Variants in AGBL1 observed in about 807,000 individuals in gnomAD.
The protein encoded by AGBL1 is AGBL carboxypeptidase 1, also known as cytosolic carboxypeptidase 4.
In AGBL1, 130 loss-of-function variants were observed where a neutral mutation model predicts 118.9. The observed-to-expected ratio is 1.09, with a 90% CI of 0.95 to 1.26. The LOEUF (loss-of-function observed/expected upper bound fraction) is 1.26, where lower values mean the gene tolerates loss of function less well. Ranked by LOEUF, AGBL1 falls within the 50% of genes most tolerant of loss-of-function variation. The pLI is 0.00. For synonymous variants in AGBL1, 555 were observed against 478.9 expected (o/e 1.16, Z -2.08); for missense variants, 1,584 against 1,298.1 (o/e 1.22, Z -3.38).
At chr15:86,853,762 C>G (rs927797991) in intron 22 of AGBL1, among the ~76,000 whole-genome samples, 12 of 152,284 alleles carry the variant, frequency 7.9e-5, no homozygotes, top group African/African-American at 2.9e-4. Flanking sequence ...ATCGCTTGTG[C>G]CCATTTGACT....
At chr15:86,921,933 G>T (rs879873232) in intron 23 of AGBL1, among the ~76,000 whole-genome samples, 1 of 152,128 alleles carries the variant, frequency 6.6e-6, no homozygotes, top group Non-Finnish European at 1.5e-5. Flanking sequence ...TCATGAAACA[G>T]ATATCCCACC....
intron 6 of AGBL1, among the ~76,000 whole-genome samples, chr15:86,226,600 G>C (rs774534631): frequency 2.0e-4 from 31 of 152,262 alleles, no homozygotes; most frequent in South Asian, 6.2e-4. Context: ...TATTGATCAG[G>C]AACACAATGC....
In AGBL1 at chr15:86,109,426, A is replaced by G. The variant is rs983070868; in HGVS notation, c.51+29403A>G. ...AAAATTGACTTCCTGGCATTGCTTT[A>G]TAATCCTTTTTTCTCATATCTTTTC... On this transcript the variant is annotated intron_variant, in intron 1 of 22. Transcript: ENST00000614907. Among the ~76,000 whole-genome samples the G allele has an allele frequency of 2.6e-5, 4 of 152,230 alleles. No homozygotes were observed. The South Asian group carries it at 8.3e-4, about 31-fold the overall frequency.
intron 17 of AGBL1, among the ~76,000 whole-genome samples, chr15:86,320,282 A>C (rs1296420118): frequency 1.3e-5 from 2 of 152,078 alleles, no homozygotes; most frequent in African/African-American, 4.8e-5. Flanking sequence ...AAGATTCTAC[A>C]ATTGGTTTCA....
intron 22 of AGBL1, among the ~76,000 whole-genome samples, chr15:86,835,863 A>G (rs1341179406): frequency 6.6e-6 from 1 of 152,100 alleles, no homozygotes; most frequent in East Asian, 1.9e-4. Flanking sequence ...TATGTGTATG[A>G]TCCATGTATG....
At chr15:86,931,906 C>A (rs2080611017) in intron 23 of AGBL1, among the ~76,000 whole-genome samples, 1 of 152,092 alleles carries the variant, frequency 6.6e-6, no homozygotes, top group East Asian at 1.9e-4. Flanking sequence ...GGAAGACATG[C>A]AAGCAGTAAA....
intron 17 of AGBL1, among the ~76,000 whole-genome samples, chr15:86,300,227 C>T (rs1428922845): frequency 6.6e-6 from 1 of 152,114 alleles, no homozygotes; most frequent in Non-Finnish European, 1.5e-5. Flanking sequence ...TTAACTTCTC[C>T]ATTTTTTTCT....
At chr15:86,365,140 T>A (rs2141930524) in intron 17 of AGBL1, among the ~76,000 whole-genome samples, 1 of 151,956 alleles carries the variant, frequency 6.6e-6, no homozygotes, top group South Asian at 2.1e-4. Context: ...AAGAAAAGTC[T>A]ATTTCCACAA....
intron 23 of AGBL1, among the ~76,000 whole-genome samples, chr15:86,952,727 T>G (rs2080892449): frequency 6.6e-6 from 1 of 152,188 alleles, no homozygotes; most frequent in Non-Finnish European, 1.5e-5. Context: ...TGCAATTGCT[T>G]TTGGGGACTC....
intron 22 of AGBL1, among the ~76,000 whole-genome samples, chr15:86,786,160 G>A (rs574179544): frequency 5.3e-5 from 8 of 152,114 alleles, no homozygotes; most frequent in Middle Eastern, 3.4e-3. Flanking sequence ...CAGTGTGCAG[G>A]TTAGTTAGAT....
chr15:86,600,599 T>A (rs1175615880), intron 21 of AGBL1, among the ~76,000 whole-genome samples: 1 of 152,112 alleles, frequency 6.6e-6, no homozygotes, highest in East Asian at 1.9e-4. Flanking sequence ...ATCTGCTTTT[T>A]GTTTTCCTAC....
intron 18 of AGBL1, among the ~76,000 whole-genome samples, chr15:86,478,448 G>A (rs1389242696): frequency 2.6e-5 from 4 of 151,910 alleles, no homozygotes; most frequent in Non-Finnish European, 5.9e-5. Flanking sequence ...AGAGAAAAAC[G>A]GAGAGGCAAA....
chr15:86,696,521 G>A (rs2086263605), intron 22 of AGBL1, among the ~76,000 whole-genome samples: 1 of 151,448 alleles, frequency 6.6e-6, no homozygotes, highest in South Asian at 2.1e-4. Flanking sequence ...ATAGATACTT[G>A]GCCGGTGAAT....
intron 23 of AGBL1, among the ~76,000 whole-genome samples, chr15:86,923,161 C>T (rs1368766800): frequency 1.3e-5 from 2 of 152,152 alleles, no homozygotes; most frequent in African/African-American, 2.4e-5. Flanking sequence ...CTCTCTTACA[C>T]CAGATAACTT....
chr15:86,926,325 T>A (rs775413971), intron 23 of AGBL1, among the ~76,000 whole-genome samples: 8 of 152,232 alleles, frequency 5.3e-5, no homozygotes, highest in Non-Finnish European at 5.9e-5. Flanking sequence ...ACAAAATGAA[T>A]GCCATTCGTT....
At chr15:86,401,830 C>A (rs1006497040) in intron 18 of AGBL1, among the ~76,000 whole-genome samples, 1 of 152,080 alleles carries the variant, frequency 6.6e-6, no homozygotes, top group African/African-American at 2.4e-5. Context: ...ATGCTAGCAC[C>A]GTGCTGTTTT....
intron 20 of AGBL1, among the ~76,000 whole-genome samples, chr15:86,550,654 T>C (rs1443584683): frequency 1.3e-5 from 2 of 152,040 alleles, no homozygotes; most frequent in Non-Finnish European, 2.9e-5. Context: ...TAAAATTTAA[T>C]AATAATAGCT....
chr15:86,190,928 A>G (rs2077709191), intron 5 of AGBL1, among the ~76,000 whole-genome samples: 1 of 152,232 alleles, frequency 6.6e-6, no homozygotes, highest in African/African-American at 2.4e-5. Flanking sequence ...CAAATTTCCT[A>G]CAACTGCTTT....
chr15:86,672,494 T>C (rs1264406954), intron 21 of AGBL1, among the ~76,000 whole-genome samples: 1 of 152,186 alleles, frequency 6.6e-6, no homozygotes, highest in Admixed American at 6.5e-5. Context: ...TGCAAATGTG[T>C]ATGCGAGTGC....
Sources: allele counts gnomAD v4.1 joint callset (sites outside exome capture counted in the v4.1 genomes callset), GRCh38; gene constraint gnomAD v4.1.1; transcripts MANE v1.5; gene names NCBI Gene and HGNC (gene_info 2026-07-23, HGNC 2026-07-21).